Variants in TUT4 observed in about 807,000 individuals in gnomAD.
TUT4 encodes the protein terminal uridylyltransferase 4.
TUT4 carries 36 observed loss-of-function variants against 192.2 expected under a neutral mutation model. The observed-to-expected ratio is 0.19, with a 90% CI of 0.14 to 0.25. The LOEUF (loss-of-function observed/expected upper bound fraction) is 0.25, where lower values mean the gene tolerates loss of function less well. Among genes scored for constraint, TUT4 ranks in the 10% least tolerant of loss-of-function variants. TUT4 has a pLI of 1.00. For synonymous variants in TUT4, 618 were observed against 666.0 expected (o/e 0.93, Z 1.11); for missense variants, 1,493 against 1,957.2 (o/e 0.76, Z 4.47).
rs1360594878 is a variant in TUT4 at position 52,526,021 on chromosome 1, C to A, written c.260G>T (p.Gly87Val). ...AANLPGPKDLGLVLRDQSHCK... is the reference protein window; with the variant it reads ...AANLPGPKDLVLVLRDQSHCK... ...ATGACTTTGATCTCGAAGGACTAAC[C>A]CCAAATCTTTAGGACCTGGAAGGTT... Residue 87 changes from glycine to valine, a missense_variant, in exon 2 of 30, where the codon GGG (glycine) becomes GTG (valine). Gly to Val is a moderately radical substitution (Grantham distance 109, BLOSUM62 -3). Transcript: ENST00000257177. The A allele has an allele frequency of 6.2e-7, 1 of 1,613,720 alleles. No homozygotes were observed. Among genetic ancestry groups the A allele is most frequent in the Non-Finnish European group, 8.5e-7 (1 of 1,179,926 alleles).
chr1:52,527,243 A>C (rs1345865130), intron 1 of TUT4, among the ~76,000 whole-genome samples: 1 of 152,120 alleles, frequency 6.6e-6, no homozygotes, highest in African/African-American at 2.4e-5. Context: ...AATTCGCTGA[A>C]GTATACTTTA....
Position 52,464,939 on chromosome 1 carries a change from A to T in TUT4, c.3069+131T>A, listed in dbSNP as rs75167819. ...GAAAATGCTACTGTTTTCATATTTC[A>T]AACACTTATTTTGCTAATATATTTA... On this transcript the variant is annotated intron_variant, in intron 16 of 29. Coordinates refer to ENST00000257177, the MANE Select transcript of TUT4 (RefSeq NM_001009881.3). 790 of 610,948 alleles carry T rather than the reference A, an allele frequency of 1.3e-3. 6 individuals carry two copies. In the African/African-American group the frequency reaches 0.014, roughly 11 times the overall value. The allele number at this position is 610,948 out of a possible 1,614,324, so 37.8% of individuals were successfully genotyped here. A position where few individuals can be genotyped will look rare whatever the true frequency, so the allele number is the denominator to read the frequency against.
chr1:52,547,264 T>C (rs565164964), intron 1 of TUT4, among the ~76,000 whole-genome samples: 17 of 151,192 alleles, frequency 1.1e-4, no homozygotes, highest in African/African-American at 2.7e-4. Context: ...CCAAAGGAGA[T>C]AGACAAATGC....
intron 7 of TUT4, among the ~76,000 whole-genome samples, chr1:52,493,247 C>G (rs945340536): frequency 2.0e-5 from 3 of 152,070 alleles, no homozygotes; most frequent in Non-Finnish European, 2.9e-5. Context: ...CCACGCCTGG[C>G]TAATTTTGTG....
In TUT4 at chr1:52,446,057, ATATACT is replaced by A. The variant is rs1657438880; in HGVS notation, c.3692-59_3692-54del. On this transcript the variant is annotated intron_variant, in intron 22 of 29. Coordinates refer to ENST00000257177, the MANE Select transcript of TUT4 (RefSeq NM_001009881.3). ...GAATTACATTCACTGTACCATAAAA[ATATACT>A]TAGAAGTCACCGCTGAAGTCTAATA... The A allele has an allele frequency of 5.2e-6, 8 of 1,535,768 alleles. No individual in the cohort carries two copies. The South Asian group carries it at 9.6e-5, about 18-fold the overall frequency.
rs147611630 is a variant in TUT4, at chr1:52,465,026, T to C, written c.3069+44A>G. 2.7e-3 allele frequency: 3,961 copies of C among 1,452,028 alleles called. 90 individuals are homozygous for C. In the East Asian group the frequency reaches 0.044, roughly 16 times the overall value. The allele number at this position is 1,452,028 out of a possible 1,614,324, so 89.9% of individuals were successfully genotyped here. On this transcript the variant is annotated intron_variant, in intron 16 of 29. Coordinates refer to ENST00000257177, the MANE Select transcript of TUT4 (RefSeq NM_001009881.3). ...TACAAAAATAAACATAGAATCGTCA[T>C]TGGGAGAAAATAAACTTACATAACG...
intron 9 of TUT4, among the ~76,000 whole-genome samples, chr1:52,484,802 T>C (rs1411593701): frequency 1.3e-5 from 2 of 152,218 alleles, no homozygotes; most frequent in Non-Finnish European, 2.9e-5. Flanking sequence ...CCTGAGTTCA[T>C]TCCCACCTTG....
At chr1:52,548,195 C>A (rs892120049) in intron 1 of TUT4, among the ~76,000 whole-genome samples, 8 of 152,050 alleles carry the variant, frequency 5.3e-5, no homozygotes, top group Non-Finnish European at 1.2e-4. Context: ...AGTTTGAATA[C>A]CACTGGCCTA....
At chr1:52,443,257 T>A (rs1298385837) in intron 24 of TUT4, among the ~76,000 whole-genome samples, 1 of 142,068 alleles carries the variant, frequency 7.0e-6, no homozygotes, top group Non-Finnish European at 1.5e-5. Flanking sequence ...CACTCCAGCC[T>A]GGGAAACAAG....
chr1:52,479,855 A>C (rs374299667), intron 11 of TUT4, among the ~76,000 whole-genome samples: 5 of 152,074 alleles, frequency 3.3e-5, no homozygotes, highest in African/African-American at 1.2e-4. Flanking sequence ...TTAGCCGGGC[A>C]TGGTGGCCGG....
At chr1:52,448,125 AAT>A (rs1658132235) in intron 20 of TUT4, among the ~76,000 whole-genome samples, 1 of 152,242 alleles carries the variant, frequency 6.6e-6, no homozygotes, top group African/African-American at 2.4e-5. Flanking sequence ...GAGAACACTT[AAT>A]ATATGTTTGT....
rs140346343 is a variant in TUT4, at chr1:52,526,096, T to C, written c.185A>G (p.Asp62Gly). The change falls in exon 2 of 30, where the codon GAT (aspartate) becomes GGT (glycine). Residue 62 changes from aspartate (D) to glycine (G), a missense_variant. Physicochemically the swap from Asp to Gly is moderately conservative, Grantham distance 94. Coordinates refer to ENST00000257177, the MANE Select transcript of TUT4 (RefSeq NM_001009881.3). Reference sequence around the variant, plus strand: ...AACTTCTGTTTTTTCTATACAAATATCATTTTGCTTATTTTTTTTACTACT... The same window carrying C: ...AACTTCTGTTTTTTCTATACAAATACCATTTTGCTTATTTTTTTTACTACT... The part of the protein sequence containing the change: ...RNSSKKNKQN[D>G]ICIEKTEVKS... 6.2e-7 allele frequency: 1 copy of C among 1,609,722 alleles called. No homozygotes were observed. The highest frequency in any genetic ancestry group is 8.5e-7 in the Non-Finnish European group (1 of 1,178,982).
intron 1 of TUT4, among the ~76,000 whole-genome samples, chr1:52,548,155 C>T (rs1383791058): frequency 6.6e-6 from 1 of 152,094 alleles, no homozygotes; most frequent in African/African-American, 2.4e-5. Flanking sequence ...CAGTTTGACT[C>T]AGAGACACCC....
At position 52,540,931 on chromosome 1, in the gene TUT4, C is replaced by T. The variant is rs61782558; in HGVS notation, c.-94+12000G>A. Among the ~76,000 whole-genome samples the T allele has an allele frequency of 8.2e-3, 1,252 of 152,282 alleles. 16 individuals carry two copies. Among genetic ancestry groups the T allele is most frequent in the Middle Eastern group, 0.037 (11 of 294 alleles). On this transcript the variant is annotated intron_variant, in intron 1 of 29. Coordinates refer to ENST00000257177, the MANE Select transcript of TUT4 (RefSeq NM_001009881.3). ...CAAATACAAGAATACACTGGCCAGA[C>T]GCAGTGGCTCACGCCTGTAATCTCA...
At position 52,449,674 on chromosome 1, in the gene TUT4, C is replaced by G. The variant is rs557199163; in HGVS notation, c.3436-3007G>C. Among the ~76,000 whole-genome samples the G allele has an allele frequency of 3.3e-5, 5 of 152,302 alleles. No individual in the cohort carries two copies. The South Asian group carries it at 1.0e-3, about 32-fold the overall frequency. On this transcript the variant is annotated intron_variant, in intron 20 of 29. Transcript: ENST00000257177. ...CCATCATAAGCATACAGTCCTGCGG[C>G]CTAAGTATAGTCATACTGTCACGCT... is the stretch of plus-strand genomic sequence containing the variant.
At position 52,524,395 on chromosome 1, in the gene TUT4, C is replaced by T. The variant is rs567498561; in HGVS notation, c.718+1168G>A. ...AAAATTAGCCAGGCTTGGTGGCAGG[C>T]GCCTGTACTCCCAGCTACTCGGAGA... On this transcript the variant is annotated intron_variant, in intron 2 of 29. Transcript: ENST00000257177. Among the ~76,000 whole-genome samples, 348 of 151,950 alleles carry T rather than the reference C, an allele frequency of 2.3e-3. 1 individual carries two copies. The Middle Eastern group carries it at 0.034, about 15-fold the overall frequency.
chr1:52,546,935 C>A (rs1299870832), intron 1 of TUT4, among the ~76,000 whole-genome samples: 2 of 151,776 alleles, frequency 1.3e-5, no homozygotes, highest in Non-Finnish European at 2.9e-5. Flanking sequence ...AGTTTGAGAC[C>A]AGCCTAGACA....
At chr1:52,463,634 T>C (rs541730875) in intron 16 of TUT4, 51 of 1,302,300 alleles carry the variant, frequency 3.9e-5, no homozygotes, top group Admixed American at 4.6e-5. Context: ...TAAATAACAA[T>C]AGCTAGGCTG....
intron 1 of TUT4, among the ~76,000 whole-genome samples, chr1:52,551,284 T>A (rs1418477881): frequency 6.6e-6 from 1 of 152,224 alleles, no homozygotes; most frequent in Non-Finnish European, 1.5e-5. Flanking sequence ...ATTTAAAACA[T>A]CAAATGTCAT....
Sources: gnomAD v4.1 joint callset for allele counts (sites outside exome capture counted in the v4.1 genomes callset) on GRCh38, gnomAD v4.1.1 for gene constraint, MANE v1.5 for transcripts, NCBI Gene and HGNC (gene_info 2026-07-23, HGNC 2026-07-21) for gene names.